Variants in PCDH19 observed in about 807,000 individuals in gnomAD.
The protein encoded by PCDH19 is protocadherin 19.
In PCDH19, 6 loss-of-function variants were observed where a neutral mutation model predicts 46.2. That is an observed-to-expected ratio of 0.13 (90% CI 0.07 to 0.26). The LOEUF (loss-of-function observed/expected upper bound fraction) is 0.26, where lower values mean the gene tolerates loss of function less well. Among genes scored for constraint, PCDH19 ranks in the 10% least tolerant of loss-of-function variants. The pLI, the probability that PCDH19 is intolerant of heterozygous loss-of-function variation, is 1.00. For synonymous variants in PCDH19, 481 were observed against 415.7 expected, an observed-to-expected ratio of 1.16 and a Z score of -1.91; for missense variants, 740 against 972.3, an observed-to-expected ratio of 0.76 and a Z score of 3.18.
chrX:100,350,996 T>A (rs777605298), intron 3 of PCDH19, among the ~76,000 whole-genome samples: 1 of 112,872 alleles, frequency 8.9e-6, no homozygotes, highest in African/African-American at 3.2e-5. Flanking sequence ...CTACAATCCT[T>A]ACAGAAACTA....
At chrX:100,335,920 T>C (rs191203875) in intron 5 of PCDH19, among the ~76,000 whole-genome samples, 2 of 112,024 alleles carry the variant, frequency 1.8e-5, no homozygotes, top group African/African-American at 3.2e-5. Flanking sequence ...TTTCACTAGG[T>C]ATATTTGCAA....
chrX:100,365,896 G>A (rs1187389422), intron 3 of PCDH19, among the ~76,000 whole-genome samples: 2 of 111,841 alleles, frequency 1.8e-5, no homozygotes, highest in Non-Finnish European at 3.8e-5. Context: ...AAGAAATCCT[G>A]GAAGAATAAA....
intron 1 of PCDH19, among the ~76,000 whole-genome samples, 195 bp downstream of exon 1, chrX:100,406,256 T>C (rs1411943212): frequency 1.8e-5 from 2 of 112,202 alleles, no homozygotes; most frequent in Admixed American, 1.9e-4. Flanking sequence ...CACTAAATGA[T>C]TGTCTTCCAG....
At chrX:100,342,729 G>T (rs777784778) in intron 4 of PCDH19, among the ~76,000 whole-genome samples, 27 of 112,479 alleles carry the variant, frequency 2.4e-4, no homozygotes, top group African/African-American at 8.7e-4. Flanking sequence ...AAAGGTAGCA[G>T]AAATTGAAGT....
At chrX:100,324,638 C>T (rs770710605) in intron 5 of PCDH19, among the ~76,000 whole-genome samples, 39 of 112,099 alleles carry the variant, frequency 3.5e-4, no homozygotes, top group African/African-American at 1.1e-3. Context: ...TATTAAAGAA[C>T]GCCAAGTAAA....
rs1924935611 is a variant in PCDH19, at chrX:100,305,984, C to T, written c.2849-9109G>A. 3.6e-5 allele frequency among the ~76,000 whole-genome samples: 4 copies of T among 111,347 alleles called. No individual in the cohort carries two copies. In the South Asian group the frequency reaches 1.5e-3, roughly 42 times the overall value. ...AATAATAGTGGGGGACTTTAATAGT[C>T]CACTGACAGCACTAGACAGGTCATC... is the stretch of plus-strand genomic sequence containing the variant. On this transcript the variant is annotated intron_variant, in intron 5 of 5. Coordinates refer to ENST00000373034, the MANE Select transcript of PCDH19 (RefSeq NM_001184880.2).
intron 5 of PCDH19, among the ~76,000 whole-genome samples, chrX:100,313,289 A>T (rs887498787): frequency 4.4e-4 from 49 of 111,284 alleles, no homozygotes; most frequent in African/African-American, 1.5e-3. Context: ...GAGGAATGCC[A>T]TGCTGTGGTG....
chrX:100,309,408 A>G (rs1925060953), intron 5 of PCDH19, among the ~76,000 whole-genome samples: 1 of 111,526 alleles, frequency 9.0e-6, no homozygotes, highest in African/African-American at 3.3e-5. Flanking sequence ...TGTGAGAGAT[A>G]AAAGACTGCA....
At position 100,402,661 on chromosome X, in the gene PCDH19, G is replaced by C. The variant is rs773732791; in HGVS notation, c.2479C>G (p.Arg827Gly). ...HQQTLPLGCR[R>G]SESTFLNVEN... is the part of the protein sequence containing the mutation. ...ACATTCAGGAAAGTGCTCTCAGAGC[G>C]GCGGCAGCCCAGGGGCAGCGTCTGC... The change falls in exon 3 of 6, where the codon CGC (arginine) becomes GGC (glycine). Residue 827 changes from arginine to glycine, a missense_variant. Physicochemically the swap from Arg to Gly is moderately radical, Grantham distance 125. Transcript: ENST00000373034. The C allele has an allele frequency of 2.5e-6, 3 of 1,209,935 alleles. No homozygotes were observed. The Admixed American group carries it at 6.5e-5, about 26-fold the overall frequency.
chrX:100,308,444 A>G (rs1925019601), intron 5 of PCDH19, among the ~76,000 whole-genome samples: 1 of 111,773 alleles, frequency 8.9e-6, no homozygotes, highest in Non-Finnish European at 1.9e-5. Context: ...TAAAGGTAAC[A>G]TCGGAAAAAC....
chrX:100,387,063 T>C (rs1927736060), intron 3 of PCDH19, among the ~76,000 whole-genome samples: 1 of 111,539 alleles, frequency 9.0e-6, no homozygotes, highest in Non-Finnish European at 1.9e-5. Context: ...GAGTTTTTTT[T>C]CCATGAGAAT....
chrX:100,322,833 G>GTGTATATATATATATATA lies in PCDH19; in HGVS notation c.2848+19069_2848+19070insTATATATATATATATACA, dbSNP rs1322393906. ...CCTCCTTGGTTAGGTATATTCCTAA[G>GTGTATATATATATATATA]TATATATATATATATATATATATAT... On this transcript the variant is annotated intron_variant, in intron 5 of 5. Coordinates refer to ENST00000373034, the MANE Select transcript of PCDH19 (RefSeq NM_001184880.2). Among the ~76,000 whole-genome samples the GTGTATATATATATATATA allele has an allele frequency of 7.0e-4, 34 of 48,769 alleles. 3 individuals carry two copies. Among genetic ancestry groups the GTGTATATATATATATATA allele is most frequent in the African/African-American group, 4.3e-3 (32 of 7,399 alleles). 42.4% of individuals were successfully genotyped at this position (48,769 alleles called of 115,157 possible). A position where few individuals can be genotyped will look rare whatever the true frequency, so the allele number is the denominator to read the frequency against.
Position 100,408,432 on chromosome X carries a change from G to C in PCDH19, c.166C>G (p.Arg56Gly), listed in dbSNP as rs940541141. 4 of 1,205,787 alleles carry C rather than the reference G, an allele frequency of 3.3e-6. No individual in the cohort carries two copies. The highest frequency in any genetic ancestry group is 4.5e-6 in the Non-Finnish European group (4 of 894,171). Residue 56 changes from arginine to glycine, a missense_variant, in exon 1 of 6, where the codon CGG becomes GGG. Coordinates refer to ENST00000373034, the MANE Select transcript of PCDH19 (RefSeq NM_001184880.2). ...AREAGFALDP[R>G]QASAFRVVSN... ...ACCACGCGAAAGGCTGAAGCCTGCC[G>C]GGGGTCCAGCGCGAAGCCCGCCTCT... is the stretch of plus-strand genomic sequence containing the variant.
At chrX:100,322,865 A>ATATATATATATATATATTTT in intron 5 of PCDH19, among the ~76,000 whole-genome samples, 2 of 54,414 alleles carry the variant, frequency 3.7e-5, no homozygotes, top group African/African-American at 1.7e-4. Context: ...ATATATATAT[A>ATATATATATATATATATTTT]TTTTTGCAGC....
intron 3 of PCDH19, among the ~76,000 whole-genome samples, chrX:100,372,464 CT>C (rs1927257047): frequency 8.9e-6 from 1 of 112,010 alleles, no homozygotes. Context: ...AGGAAGCTAC[CT>C]TCTGATCATG....
At chrX:100,392,476 A>G (rs1290263208) in intron 3 of PCDH19, among the ~76,000 whole-genome samples, 5 of 112,224 alleles carry the variant, frequency 4.5e-5, no homozygotes, top group African/African-American at 1.6e-4. Context: ...AATCTTCACT[A>G]CGAAAAAACC....
intron 5 of PCDH19, among the ~76,000 whole-genome samples, chrX:100,298,535 C>T (rs140361114): frequency 3.6e-5 from 4 of 111,873 alleles, no homozygotes; most frequent in African/African-American, 1.3e-4. Context: ...TACAGTGGAA[C>T]CAAATAACAA....
intron 3 of PCDH19, among the ~76,000 whole-genome samples, chrX:100,351,317 T>A (rs1926563010): frequency 8.9e-6 from 1 of 112,773 alleles, no homozygotes; most frequent in Non-Finnish European, 1.9e-5. Flanking sequence ...ATGTGAAACA[T>A]GAAGTTTGCA....
At chrX:100,381,563 T>C (rs1461580277) in intron 3 of PCDH19, among the ~76,000 whole-genome samples, 1 of 112,011 alleles carries the variant, frequency 8.9e-6, no homozygotes, top group Admixed American at 9.5e-5. Flanking sequence ...TGGAACATTT[T>C]AGGTAGACTG....
Sources: gnomAD v4.1 joint callset for allele counts (sites outside exome capture counted in the v4.1 genomes callset) on GRCh38, gnomAD v4.1.1 for gene constraint, MANE v1.5 for transcripts, NCBI Gene and HGNC (gene_info 2026-07-23, HGNC 2026-07-21) for gene names.